The following MGAT4C variants were observed in gnomAD, a reference collection of about 807,000 sequenced individuals.
MGAT4C encodes MGAT4 family member C.
MGAT4C carries 19 observed loss-of-function variants against 40.1 expected under a neutral mutation model. That is an observed-to-expected ratio of 0.47 (90% CI 0.33 to 0.70). The LOEUF is 0.70. Among genes scored for constraint, MGAT4C ranks in the 30% least tolerant of loss-of-function variants. MGAT4C has a pLI of 0.02. For missense variants in MGAT4C, 491 were observed against 563.2 expected (o/e 0.87, Z 1.30); for synonymous variants, 181 against 187.1 (o/e 0.97, Z 0.27).
At chr12:86,555,734 T>C (rs1394085603) in intron 2 of MGAT4C, among the ~76,000 whole-genome samples, 2 of 152,176 alleles carry the variant, frequency 1.3e-5, no homozygotes, top group Admixed American at 6.5e-5. Flanking sequence ...CAGAGCGCCC[T>C]TTTGACCCCC....
At chr12:86,128,099 T>C (rs868142307) in intron 1 of MGAT4C, among the ~76,000 whole-genome samples, 3 of 152,192 alleles carry the variant, frequency 2.0e-5, no homozygotes, top group South Asian at 2.1e-4. Context: ...GTTTCCACCA[T>C]TATCATAGCC....
At chr12:86,294,727 G>A (rs1330622640) in intron 4 of MGAT4C, among the ~76,000 whole-genome samples, 2 of 152,100 alleles carry the variant, frequency 1.3e-5, no homozygotes. Context: ...TCTCAAACCT[G>A]TGACTCTTAT....
chr12:86,713,677 T>C (rs1950597418), intron 2 of MGAT4C, among the ~76,000 whole-genome samples: 1 of 152,110 alleles, frequency 6.6e-6, no homozygotes, highest in Non-Finnish European at 1.5e-5. Flanking sequence ...TAGTTTTATA[T>C]ATATGAGTTC....
intron 1 of MGAT4C, among the ~76,000 whole-genome samples, chr12:86,139,959 A>C (rs371071938): frequency 6.6e-6 from 1 of 152,182 alleles, no homozygotes; most frequent in African/African-American, 2.4e-5. Context: ...AAAGCCTTTA[A>C]TGGTTTCTCA....
chr12:86,610,454 T>G (rs1435305671), intron 2 of MGAT4C, among the ~76,000 whole-genome samples: 1 of 152,216 alleles, frequency 6.6e-6, no homozygotes, highest in Non-Finnish European at 1.5e-5. Flanking sequence ...ATCAGCCATC[T>G]GATGAAAAGC....
chr12:86,806,107 A>G (rs1423524972), intron 1 of MGAT4C, among the ~76,000 whole-genome samples: 1 of 151,862 alleles, frequency 6.6e-6, no homozygotes, highest in Non-Finnish European at 1.5e-5. Flanking sequence ...ATTTTTGTAA[A>G]AAAAAACCTT....
chr12:86,718,463 C>A (rs1950685029), intron 2 of MGAT4C, among the ~76,000 whole-genome samples: 1 of 152,192 alleles, frequency 6.6e-6, no homozygotes, highest in Non-Finnish European at 1.5e-5. Context: ...AAAGGCCTAT[C>A]ACTTGCATAG....
At chr12:86,671,503 C>T (rs958155087) in intron 2 of MGAT4C, among the ~76,000 whole-genome samples, 1 of 152,068 alleles carries the variant, frequency 6.6e-6, no homozygotes, top group Non-Finnish European at 1.5e-5. Flanking sequence ...CCAATGATTT[C>T]AAGATAACAC....
chr12:86,379,645 T>A (rs1424762257), intron 3 of MGAT4C, among the ~76,000 whole-genome samples: 1 of 152,150 alleles, frequency 6.6e-6, no homozygotes, highest in Non-Finnish European at 1.5e-5. Context: ...TGTTTACTCT[T>A]AGTATTCTAA....
At chr12:86,435,895 T>G (rs1002665181) in intron 2 of MGAT4C, among the ~76,000 whole-genome samples, 3 of 152,004 alleles carry the variant, frequency 2.0e-5, no homozygotes, top group Admixed American at 2.0e-4. Flanking sequence ...TTTTTGAAAT[T>G]TTTAAACATT....
At chr12:86,053,704 G>A (rs985891059) in intron 1 of MGAT4C, among the ~76,000 whole-genome samples, 3 of 151,960 alleles carry the variant, frequency 2.0e-5, no homozygotes, top group East Asian at 1.9e-4. Context: ...TATTCTAAAT[G>A]TATAAGGAAC....
In MGAT4C at chr12:86,728,887, G is replaced by C. The variant is rs542596734; in HGVS notation, c.-261-1646C>G. Among the ~76,000 whole-genome samples the C allele has an allele frequency of 1.4e-4, 22 of 152,140 alleles. No homozygotes were observed. In the South Asian group the frequency reaches 4.6e-3, roughly 32 times the overall value. On this transcript the variant is annotated intron_variant, in intron 1 of 7. Transcript: ENST00000548651. Reference sequence around the variant, plus strand: ...CTTTTTGTCTTAGCATTATATCTTAGATGCCTTTCGATATCAATTCAAATA... The same window carrying C: ...CTTTTTGTCTTAGCATTATATCTTACATGCCTTTCGATATCAATTCAAATA...
At chr12:85,993,955 G>A (rs1487064232) in intron 2 of MGAT4C, among the ~76,000 whole-genome samples, 1 of 151,524 alleles carries the variant, frequency 6.6e-6, no homozygotes, top group African/African-American at 2.4e-5. Context: ...GGTCCTTCCA[G>A]GGTCCTCAAG....
chr12:86,577,582 G>A (rs1960614690), intron 2 of MGAT4C, among the ~76,000 whole-genome samples: 2 of 151,674 alleles, frequency 1.3e-5, no homozygotes, highest in East Asian at 3.9e-4. Flanking sequence ...TTGATATAAT[G>A]TTTCATGTTT....
rs562775682 is a variant in MGAT4C at position 86,074,502 on chromosome 12, C to A, written c.-56-24779G>T. 9.2e-5 allele frequency among the ~76,000 whole-genome samples: 14 copies of A among 152,188 alleles called. No individual in the cohort carries two copies. In the East Asian group the frequency reaches 2.3e-3, roughly 25 times the overall value. On this transcript the variant is annotated intron_variant, in intron 1 of 4. Coordinates refer to ENST00000611864, the MANE Select transcript of MGAT4C (RefSeq NM_001351288.2). ...ATCCATATTTTTATAGAAGTGAGTG[C>A]AAGTATAATGACACTCTATGTAAAA...
chr12:86,384,122 T>C (rs1249685416), intron 3 of MGAT4C, among the ~76,000 whole-genome samples: 1 of 152,186 alleles, frequency 6.6e-6, no homozygotes, highest in Non-Finnish European at 1.5e-5. Flanking sequence ...CTTCTGCCAT[T>C]ATTGTGAGGT....
intron 4 of MGAT4C, among the ~76,000 whole-genome samples, chr12:86,316,986 G>A (rs1444105518): frequency 6.6e-6 from 1 of 150,800 alleles, no homozygotes; most frequent in African/African-American, 2.4e-5. Flanking sequence ...AAATCAAAAA[G>A]GAATCAAGGA....
intron 2 of MGAT4C, among the ~76,000 whole-genome samples, chr12:86,637,543 T>A (rs753107316): frequency 2.6e-5 from 4 of 151,986 alleles, no homozygotes; most frequent in Non-Finnish European, 4.4e-5. Flanking sequence ...TCCTTAACTT[T>A]ATTTCTGAAG....
chr12:86,536,788 GT>G (rs1183859706), intron 2 of MGAT4C, among the ~76,000 whole-genome samples: 1 of 151,930 alleles, frequency 6.6e-6, no homozygotes, highest in Non-Finnish European at 1.5e-5. Context: ...AAAATCAACA[GT>G]TATTGTGGAA....
Sources: allele counts gnomAD v4.1 joint callset (sites outside exome capture counted in the v4.1 genomes callset), GRCh38; gene constraint gnomAD v4.1.1; transcripts MANE v1.5; gene names NCBI Gene and HGNC (gene_info 2026-07-23, HGNC 2026-07-21).